The following RASGRF1 variants were observed in gnomAD, a reference collection of about 807,000 sequenced individuals.
The protein encoded by RASGRF1 is ras-specific guanine nucleotide-releasing factor 1.
A neutral mutation model predicts 138.7 loss-of-function variants in RASGRF1; 40 were observed. The observed-to-expected ratio is 0.29, with a 90% confidence interval of 0.22 to 0.38. RASGRF1 has a LOEUF of 0.38. Among genes scored for constraint, RASGRF1 ranks in the 10% least tolerant of loss-of-function variants. RASGRF1 has a pLI of 1.00. For synonymous variants in RASGRF1, 614 were observed against 663.2 expected, an observed-to-expected ratio of 0.93 and a Z score of 1.14; for missense variants, 1,108 against 1,650.4, an observed-to-expected ratio of 0.67 and a Z score of 5.69.
Position 79,090,511 on chromosome 15 carries a change from C to A in RASGRF1, c.-13G>T. 3.1e-6 allele frequency: 5 copies of A among 1,606,914 alleles called. No individual in the cohort carries two copies. Among genetic ancestry groups the A allele is most frequent in the Non-Finnish European group, 4.2e-6 (5 of 1,177,620 alleles). On this transcript the variant is annotated 5_prime_UTR_variant, in exon 1 of 27. Coordinates refer to ENST00000558480, the MANE Select transcript of RASGRF1 (RefSeq NM_001145648.3). ...TCCCCTTCTGCATGGTGCTCAGAGGCCAGCGAGACCCCACGCGCTTACATC... is the reference window on the plus strand; with the variant it reads ...TCCCCTTCTGCATGGTGCTCAGAGGACAGCGAGACCCCACGCGCTTACATC...
At position 78,991,671 on chromosome 15, in the gene RASGRF1, G is replaced by A; in HGVS notation, c.3131+20C>T. 1.3e-6 allele frequency: 2 copies of A among 1,592,850 alleles called. No individual in the cohort carries two copies. On this transcript the variant is annotated intron_variant, in intron 21 of 26. Transcript: ENST00000558480. ...TGCCTGAGGAAGCGGGGGGAGGCGGGTGGTGCCTGCAACACTTACTCATAA... is the reference window on the plus strand; with the variant it reads ...TGCCTGAGGAAGCGGGGGGAGGCGGATGGTGCCTGCAACACTTACTCATAA...
intron 6 of RASGRF1, among the ~76,000 whole-genome samples, chr15:79,033,584 T>TC (rs1377884841): frequency 1.5e-4 from 20 of 133,952 alleles, no homozygotes; most frequent in South Asian, 2.7e-4. Context: ...TTCTTTTCTT[T>TC]TTTTTTTTTT....
At chr15:78,996,375 A>G (rs897476748) in intron 19 of RASGRF1, among the ~76,000 whole-genome samples, 1 of 152,162 alleles carries the variant, frequency 6.6e-6, no homozygotes, top group Non-Finnish European at 1.5e-5. Flanking sequence ...GTGAGTACCA[A>G]CGGAGGCTGC....
chr15:79,019,017 G>A (rs982431841), intron 11 of RASGRF1, among the ~76,000 whole-genome samples: 2 of 152,084 alleles, frequency 1.3e-5, no homozygotes, highest in East Asian at 1.9e-4. Flanking sequence ...AGGGCATGAG[G>A]GGAGCAGAAC....
At chr15:79,090,182 G>T (rs770907141) in intron 1 of RASGRF1, 41 bp downstream of exon 1, 1 of 1,545,264 alleles carries the variant, frequency 6.5e-7, no homozygotes, top group Admixed American at 1.8e-5. Context: ...CCAGGGCCGC[G>T]GCCGGGACGC....
chr15:78,963,091 C>T (rs2055578660), intron 26 of RASGRF1, among the ~76,000 whole-genome samples: 1 of 151,888 alleles, frequency 6.6e-6, no homozygotes, highest in South Asian at 2.1e-4. Flanking sequence ...TTAGGTTATC[C>T]TGTCTTCTCC....
At chr15:79,033,581 CTTTTTTTTTTT>C (rs71148586) in intron 6 of RASGRF1, among the ~76,000 whole-genome samples, 1 of 93,958 alleles carries the variant, frequency 1.1e-5, no homozygotes, top group African/African-American at 4.4e-5. Context: ...TTTTTCTTTT[CTTTTTTTTTTT>C]TTTTTTTTTT....
chr15:78,995,082 C>G (rs138346924), intron 20 of RASGRF1, among the ~76,000 whole-genome samples: 1 of 152,070 alleles, frequency 6.6e-6, no homozygotes, highest in African/African-American at 2.4e-5. Flanking sequence ...CATGCGCCAC[C>G]ATGCCCGGGT....
At chr15:79,004,630 A>C (rs545175288) in intron 14 of RASGRF1, 1 of 988,006 alleles carries the variant, frequency 1.0e-6, no homozygotes, top group East Asian at 1.1e-4. Flanking sequence ...CTCCTACTCT[A>C]AACGCAGGGT....
At chr15:79,061,152 C>T (rs997910608) in intron 2 of RASGRF1, among the ~76,000 whole-genome samples, 2 of 152,070 alleles carry the variant, frequency 1.3e-5, no homozygotes, top group Non-Finnish European at 2.9e-5. Flanking sequence ...ACAGGGACTT[C>T]AGTCCCATGG....
chr15:79,069,240 G>A (rs1567610319), intron 1 of RASGRF1, among the ~76,000 whole-genome samples: 1 of 152,154 alleles, frequency 6.6e-6, no homozygotes, highest in Non-Finnish European at 1.5e-5. Flanking sequence ...GCTTCACCTT[G>A]GGGTTCTGAT....
intron 25 of RASGRF1, among the ~76,000 whole-genome samples, 200 bp from the exon 26 acceptor site, chr15:78,972,134 C>T (rs925429983): frequency 2.0e-5 from 3 of 152,102 alleles, no homozygotes; most frequent in Non-Finnish European, 2.9e-5. Context: ...CTCACTCTGT[C>T]GCCCAGGCTG....
intron 23 of RASGRF1, among the ~76,000 whole-genome samples, chr15:78,982,001 G>A (rs554350431): frequency 2.4e-4 from 36 of 152,222 alleles, no homozygotes; most frequent in Admixed American, 3.9e-4. Flanking sequence ...GACCTGATAC[G>A]GCTTGAGGTC....
chr15:79,088,481 A>G (rs2058010837), intron 1 of RASGRF1, among the ~76,000 whole-genome samples: 1 of 152,248 alleles, frequency 6.6e-6, no homozygotes, highest in African/African-American at 2.4e-5. Flanking sequence ...TCACACAGCC[A>G]GGAAGTCATA....
chr15:79,086,585 C>G (rs977327285), intron 1 of RASGRF1, among the ~76,000 whole-genome samples: 27 of 151,838 alleles, frequency 1.8e-4, no homozygotes, highest in East Asian at 1.7e-3. Flanking sequence ...ACCCCCCCCC[C>G]CCAGCTTCTG....
intron 12 of RASGRF1, among the ~76,000 whole-genome samples, chr15:79,016,558 C>T (rs1216812535): frequency 6.6e-6 from 1 of 152,218 alleles, no homozygotes; most frequent in African/African-American, 2.4e-5. Context: ...CTGGTGGGCA[C>T]CCTCTGGGCA....
chr15:79,013,156 C>T (rs903655382), intron 13 of RASGRF1, among the ~76,000 whole-genome samples: 6 of 152,154 alleles, frequency 3.9e-5, no homozygotes, highest in Non-Finnish European at 5.9e-5. Flanking sequence ...AACCCAAGCT[C>T]GGAAAGGTTA....
At chr15:78,965,611 G>C (rs1395069571) in intron 26 of RASGRF1, among the ~76,000 whole-genome samples, 1 of 152,214 alleles carries the variant, frequency 6.6e-6, no homozygotes, top group Non-Finnish European at 1.5e-5. Context: ...AGCACTTTGG[G>C]AGGCCAAAGC....
At position 78,969,497 on chromosome 15, in the gene RASGRF1, C is replaced by T. The variant is rs376764052; in HGVS notation, c.3681+2369G>A. Among the ~76,000 whole-genome samples the T allele has an allele frequency of 6.4e-4, 98 of 152,164 alleles. 1 individual carries two copies. Among genetic ancestry groups the T allele is most frequent in the African/African-American group, 2.2e-3 (90 of 41,508 alleles). On this transcript the variant is annotated intron_variant, in intron 26 of 26. Coordinates refer to ENST00000558480, the MANE Select transcript of RASGRF1 (RefSeq NM_001145648.3). Reference sequence around the variant, plus strand: ...CAGCCTGACCAACGTGGTGAAACCCCGTCTCTACTAAACGTACAAAAATTA... The same window carrying T: ...CAGCCTGACCAACGTGGTGAAACCCTGTCTCTACTAAACGTACAAAAATTA...
Sources: gnomAD v4.1 joint callset for allele counts (sites outside exome capture counted in the v4.1 genomes callset) on GRCh38, gnomAD v4.1.1 for gene constraint, MANE v1.5 for transcripts, NCBI Gene and HGNC (gene_info 2026-07-23, HGNC 2026-07-21) for gene names.